The following SIGIRR variants were observed in gnomAD, a reference collection of about 807,000 sequenced individuals.
SIGIRR encodes the protein single Ig and TIR domain containing.
In SIGIRR, 41 loss-of-function variants were observed where a neutral mutation model predicts 45.6. That is an observed-to-expected ratio of 0.90 (90% CI 0.70 to 1.17). SIGIRR has a LOEUF of 1.17. Among genes scored for constraint, SIGIRR ranks in the 50% most tolerant of loss-of-function variants. The pLI is 0.00. For missense variants in SIGIRR, 599 were observed against 539.6 expected (o/e 1.11, Z -1.09); for synonymous variants, 298 against 239.0 (o/e 1.25, Z -2.28).
Position 408,722 on chromosome 11 carries a change from C to T in SIGIRR, c.179G>A (p.Gly60Asp). Residue 60 changes from glycine (G) to aspartate (D), a missense_variant, in exon 3 of 10, where the codon GGC becomes GAC. By Grantham distance (94) the Gly-to-Asp change is moderately conservative. Coordinates refer to ENST00000431843, the MANE Select transcript of SIGIRR (RefSeq NM_001135054.2). Reference protein sequence around the residue: ...LKDGLPLGIGGHYSLHEYSWV... With the variant: ...LKDGLPLGIGDHYSLHEYSWV... ...GGAGTACTCGTGGAGGCTGTAGTGGCCCCCAATTCCCAATGGAAGCCCGTC... is the reference window on the plus strand; with the variant it reads ...GGAGTACTCGTGGAGGCTGTAGTGGTCCCCAATTCCCAATGGAAGCCCGTC... The T allele has an allele frequency of 6.2e-7, 1 of 1,612,726 alleles. No homozygotes were observed. The highest frequency in any genetic ancestry group is 8.5e-7 in the Non-Finnish European group (1 of 1,179,956).
chr11:408,706 G>T lies in SIGIRR; in HGVS notation c.195C>A (p.His65Gln). The T allele has an allele frequency of 1.2e-6, 2 of 1,612,662 alleles. No individual in the cohort carries two copies. The highest frequency in any genetic ancestry group is 1.7e-6 in the Non-Finnish European group (2 of 1,179,924). ...CCCGGGTCTCTTACCAGGAGTACTC[G>T]TGGAGGCTGTAGTGGCCCCCAATTC... ...PLGIGGHYSL[H>Q]EYSWVKANLS... Residue 65 changes from histidine to glutamine, a missense_variant, in exon 3 of 10, where the codon CAC becomes CAA. By Grantham distance (24) the His-to-Gln change is conservative. Transcript: ENST00000431843.
chr11:410,619 CGGG>C (rs35815340), intron 1 of SIGIRR, among the ~76,000 whole-genome samples: 4 of 5,696 alleles, frequency 7.0e-4, no homozygotes, highest in African/African-American at 2.9e-3. Flanking sequence ...TGGATGCAGT[CGGG>C]GGGGGGGGGT....
upstream of SIGIRR, among the ~76,000 whole-genome samples, chr11:415,207 CGTGTGTGTGTGTGTGTGTGT>C (rs71022908): frequency 5.8e-3 from 834 of 144,568 alleles, 15 homozygotes; most frequent in African/African-American, 0.019. The surrounding 1 kb of genome is among the most constrained non-coding windows in gnomAD (Gnocchi z 6.6). Context: ...CTCTGTGCAG[CGTGTGTGTGTGTGTGTGTGT>C]GTGTGTGTGT....
At chr11:414,744 A>G in intron 1 of SIGIRR, 79 bp downstream of exon 1, 1 of 907,404 alleles carries the variant, frequency 1.1e-6, no homozygotes. Flanking sequence ...ACACATGCAT[A>G]TGGGTCTTGG....
At chr11:415,274 G>A (rs1473983475), upstream of SIGIRR, among the ~76,000 whole-genome samples, 1 of 148,546 alleles carries the variant, frequency 6.7e-6, no homozygotes, top group African/African-American at 2.5e-5. This position sits in a 1 kb window ranked among gnomAD's most constrained non-coding sequence, Gnocchi z 6.6. Flanking sequence ...TGTGTGCAAT[G>A]TGTGTGCAGT....
At chr11:407,721 C>T (rs1590373704) in intron 5 of SIGIRR, 96 bp downstream of exon 5, 5 of 1,575,598 alleles carry the variant, frequency 3.2e-6, no homozygotes, top group Admixed American at 1.7e-5. Flanking sequence ...CGGGGGCTAA[C>T]CCCTCCCCGC....
Position 409,974 on chromosome 11 carries a change from G to A in SIGIRR, c.-100C>T. 3 of 1,253,144 alleles carry A rather than the reference G, an allele frequency of 2.4e-6. No homozygotes were observed. Among genetic ancestry groups the A allele is most frequent in the Non-Finnish European group, 3.0e-6 (3 of 996,560 alleles). 77.6% of individuals were successfully genotyped at this position (1,253,144 alleles called of 1,614,324 possible). ...GCAGACTGATCCAAGAGCTGGGCAG[G>A]ACTCCTCTCTGTCCTTGCAGTCAGC... On this transcript the variant is annotated 5_prime_UTR_variant, in exon 2 of 10. Coordinates refer to ENST00000431843, the MANE Select transcript of SIGIRR (RefSeq NM_001135054.2).
chr11:406,570 T>C (rs1462280177), intron 8 of SIGIRR, 32 bp from the exon 9 acceptor site: 1 of 1,580,550 alleles, frequency 6.3e-7, no homozygotes, highest in East Asian at 2.2e-5. Context: ...TTTGCAGGTG[T>C]GAACACCTCG....
intron 7 of SIGIRR, 22 bp downstream of exon 7, chr11:407,040 C>G: frequency 6.3e-7 from 1 of 1,575,932 alleles, no homozygotes; most frequent in East Asian, 2.3e-5. Context: ...CTGGGGCCCA[C>G]CCAACCCCGC....
At chr11:416,917 C>T (rs974652029), upstream of SIGIRR, among the ~76,000 whole-genome samples, 1 of 152,146 alleles carries the variant, frequency 6.6e-6, no homozygotes, top group South Asian at 2.1e-4. The surrounding 1 kb of genome is among the most constrained non-coding windows in gnomAD (Gnocchi z 9.1). Flanking sequence ...CGGGCGAGCT[C>T]GGGCCCCAGC....
intron 8 of SIGIRR, 77 bp from the exon 9 acceptor site, chr11:406,615 C>T (rs10902159): frequency 0.2 from 294,274 of 1,498,204 alleles, 35,497 homozygotes; most frequent in East Asian, 0.63. Flanking sequence ...AAGAGCACAC[C>T]TGCGGCTGCC....
chr11:409,040 T>C, intron 2 of SIGIRR, 147 bp from the exon 3 acceptor site: 1 of 720,840 alleles, frequency 1.4e-6, no homozygotes, highest in Non-Finnish European at 2.4e-6. Context: ...GGGGACAGGC[T>C]TAGCACTTGG....
At position 406,012 on chromosome 11, in the gene SIGIRR, T is replaced by G; in HGVS notation, c.1117A>C (p.Ser373Arg). ...CGGCTCTCTCCCAGCGAGACCCCAC[T>G]GGTGTGCGGTGGAGCTGATGGCTCT... ...FGEPSAPPHT[S>R]GVSLGESRSS... The change falls in exon 10 of 10, where the codon AGT becomes CGT. Residue 373 changes from serine to arginine, a missense_variant. Coordinates refer to ENST00000431843, the MANE Select transcript of SIGIRR (RefSeq NM_001135054.2). 6 of 1,608,886 alleles carry G rather than the reference T, an allele frequency of 3.7e-6. No homozygotes were observed. Among genetic ancestry groups the G allele is most frequent in the Non-Finnish European group, 5.1e-6 (6 of 1,178,306 alleles).
At chr11:412,821 C>A (rs1847727435) in intron 1 of SIGIRR, among the ~76,000 whole-genome samples, 1 of 152,120 alleles carries the variant, frequency 6.6e-6, no homozygotes, top group Admixed American at 6.5e-5. Context: ...ACCTCGGGAA[C>A]CCTCAGCTTA....
Position 406,924 on chromosome 11 carries a change from G to C in SIGIRR, c.798C>G (p.Arg266=), listed in dbSNP as rs199670238. Reference sequence around the variant, plus strand: ...GGCGGAGCGCCGGGTGCGCGGGGTCGCGCCTCTGGCCCTCGAAGGTGATGA... The same window carrying C: ...GGCGGAGCGCCGGGTGCGCGGGGTCCCGCCTCTGGCCCTCGAAGGTGATGA... The part of the protein sequence containing the change: ...PIFITFEGQR[R]DPAHPALRLL... Residue 266 remains arginine (R), a synonymous_variant, in exon 8 of 10, where the codon CGC becomes CGG. Transcript: ENST00000431843. 5.0e-4 allele frequency: 803 copies of C among 1,597,448 alleles called. 5 individuals are homozygous for C. In the Middle Eastern group the frequency reaches 0.014, roughly 29 times the overall value.
At position 407,892 on chromosome 11, in the gene SIGIRR, C is replaced by T. The variant is rs373782732; in HGVS notation, c.406G>A (p.Ala136Thr). 109 of 1,612,412 alleles carry T rather than the reference C, an allele frequency of 6.8e-5. No homozygotes were observed. The African/African-American group carries it at 1.1e-3, about 17-fold the overall frequency. The change falls in exon 5 of 10, where the codon GCC (alanine) becomes ACC (threonine). Residue 136 changes from alanine (A) to threonine (T), a missense_variant. Physicochemically the swap from Ala to Thr is moderately conservative, Grantham distance 58 (BLOSUM62 0). Coordinates refer to ENST00000431843, the MANE Select transcript of SIGIRR (RefSeq NM_001135054.2). ...AGACGGCACTTGACATAGAGCAGGG[C>T]GGCCAGCAGCAGGGCCAGCAGGACC... The part of the protein sequence containing the change: ...LLVLLALLLA[A>T]LLYVKCRLNV...
upstream of SIGIRR, among the ~76,000 whole-genome samples, chr11:416,926 G>A (rs1193041758): frequency 6.6e-6 from 1 of 152,054 alleles, no homozygotes; most frequent in Non-Finnish European, 1.5e-5. The surrounding 1 kb of genome is among the most constrained non-coding windows in gnomAD (Gnocchi z 9.1). Flanking sequence ...TCGGGCCCCA[G>A]CCTGACTCTT....
At chr11:408,270 C>T (rs1166972576) in intron 3 of SIGIRR, 64 bp from the exon 4 acceptor site, 1 of 1,576,438 alleles carries the variant, frequency 6.3e-7, no homozygotes, top group Non-Finnish European at 8.6e-7. Flanking sequence ...CGAACCCCAC[C>T]TGTCTGGGTT....
At position 408,712 on chromosome 11, in the gene SIGIRR, G is replaced by A. The variant is rs1257447428; in HGVS notation, c.189C>T (p.Ser63=). 6.2e-7 allele frequency: 1 copy of A among 1,612,746 alleles called. No homozygotes were observed. Among genetic ancestry groups the A allele is most frequent in the African/African-American group, 1.3e-5 (1 of 75,046 alleles). ...GLPLGIGGHY[S]LHEYSWVKAN... ...TCTCTTACCAGGAGTACTCGTGGAG[G>A]CTGTAGTGGCCCCCAATTCCCAATG... Residue 63 remains serine (S), a synonymous_variant, in exon 3 of 10, where the codon AGC becomes AGT. Coordinates refer to ENST00000431843, the MANE Select transcript of SIGIRR (RefSeq NM_001135054.2).
Sources: allele counts gnomAD v4.1 joint callset (sites outside exome capture counted in the v4.1 genomes callset), GRCh38; gene constraint gnomAD v4.1.1; non-coding constraint Gnocchi (gnomAD v3.1); transcripts MANE v1.5; gene names NCBI Gene and HGNC (gene_info 2026-07-23, HGNC 2026-07-21).